Variants in LHFPL3 observed in about 807,000 individuals in gnomAD.
LHFPL3 encodes LHFPL tetraspan subfamily member 3.
A neutral mutation model predicts 19.3 loss-of-function variants in LHFPL3; 5 were observed. The ratio of observed to expected loss-of-function variants is 0.26; its 90% CI spans 0.14 to 0.54. The LOEUF (loss-of-function observed/expected upper bound fraction) is 0.54. Among genes scored for constraint, LHFPL3 ranks in the 20% least tolerant of loss-of-function variants. LHFPL3 has a pLI of 0.94. For synonymous variants in LHFPL3, 133 were observed against 126.2 expected, an observed-to-expected ratio of 1.05 and a Z score of -0.36; for missense variants, 249 against 307.4, an observed-to-expected ratio of 0.81 and a Z score of 1.42.
chr7:104,343,587 AT>A (rs34344276), intron 1 of LHFPL3, among the ~76,000 whole-genome samples: 24,603 of 146,278 alleles, frequency 0.17, 2,511 homozygotes, highest in Admixed American at 0.31. Flanking sequence ...AGAGAAGGTG[AT>A]TTAAATACCT....
chr7:104,560,548 G>T (rs1487875135), intron 1 of LHFPL3, among the ~76,000 whole-genome samples: 28 of 150,372 alleles, frequency 1.9e-4, no homozygotes, highest in Non-Finnish European at 3.6e-4. Flanking sequence ...ATTTTTTATT[G>T]CGTCTATTTG....
intron 1 of LHFPL3, among the ~76,000 whole-genome samples, chr7:104,485,408 G>T (rs1409253281): frequency 6.6e-6 from 1 of 151,984 alleles, no homozygotes; most frequent in Non-Finnish European, 1.5e-5. Context: ...AGTGCTCTCA[G>T]AGTCTAGTTA....
At chr7:104,559,759 A>C (rs1353601770) in intron 1 of LHFPL3, among the ~76,000 whole-genome samples, 2 of 151,762 alleles carry the variant, frequency 1.3e-5, no homozygotes, top group Non-Finnish European at 2.9e-5. Flanking sequence ...GTCTTGTGCC[A>C]GTTTTCAGAG....
chr7:104,402,365 G>C (rs1704198199), intron 1 of LHFPL3, among the ~76,000 whole-genome samples: 1 of 152,168 alleles, frequency 6.6e-6, no homozygotes, highest in African/African-American at 2.4e-5. Flanking sequence ...ATTGTGTTTG[G>C]CTTATTAGCC....
At chr7:104,791,386 T>G (rs912706531) in intron 2 of LHFPL3, among the ~76,000 whole-genome samples, 1 of 152,256 alleles carries the variant, frequency 6.6e-6, no homozygotes, top group East Asian at 1.9e-4. Context: ...AAAGGATTCC[T>G]GGCAGCCTTA....
intron 1 of LHFPL3, among the ~76,000 whole-genome samples, chr7:104,672,428 G>A (rs1408726031): frequency 1.3e-5 from 2 of 152,144 alleles, no homozygotes; most frequent in African/African-American, 2.4e-5. Context: ...TCCTCGCACA[G>A]TGAATGTATT....
At position 104,523,097 on chromosome 7, in the gene LHFPL3, T is replaced by TGCAG. The variant is rs1794108529; in HGVS notation, c.445+193873_445+193874insGCAG. On this transcript the variant is annotated intron_variant, in intron 1 of 2. Coordinates refer to ENST00000424859, the MANE Select transcript of LHFPL3 (RefSeq NM_199000.3). ...CACATATGCATGTTATATATACATA[T>TGCAG]ACAGACATATGTGTATTTTCTAGTT... Among the ~76,000 whole-genome samples, 2 of 99,810 alleles carry TGCAG rather than the reference T, an allele frequency of 2.0e-5. 1 individual carries two copies. The highest frequency in any genetic ancestry group is 0.011 in the Middle Eastern group (2 of 176). 65.5% of individuals were successfully genotyped at this position (99,810 alleles called of 152,430 possible).
Position 104,819,118 on chromosome 7 carries a change from A to T in LHFPL3, c.682+82207A>T, listed in dbSNP as rs933893509. Among the ~76,000 whole-genome samples the T allele has an allele frequency of 5.9e-5, 9 of 152,164 alleles. No homozygotes were observed. In the East Asian group the frequency reaches 1.7e-3, roughly 29 times the overall value. ...CTCAGCTTGATTTAATATAAGCTTA[A>T]TTTGATCCCTGTAAATGCAACTGAA... On this transcript the variant is annotated intron_variant, in intron 2 of 2. Coordinates refer to ENST00000424859, the MANE Select transcript of LHFPL3 (RefSeq NM_199000.3).
intron 2 of LHFPL3, among the ~76,000 whole-genome samples, chr7:104,873,719 C>T (rs1259151916): frequency 1.3e-5 from 2 of 152,220 alleles, no homozygotes; most frequent in African/African-American, 4.8e-5. Context: ...CACTCCCACA[C>T]ACATTTTCTT....
chr7:104,873,268 T>C lies in LHFPL3; in HGVS notation c.683-32919T>C, dbSNP rs115203344. Among the ~76,000 whole-genome samples the C allele has an allele frequency of 9.7e-3, 1,481 of 152,208 alleles. 18 individuals are homozygous for C. Among genetic ancestry groups the C allele is most frequent in the African/African-American group, 0.034 (1,419 of 41,520 alleles). ...TGTGTATATGAATATTTCTGTCAGG[T>C]TTATTTGGTCTTCAGATCATCTTCC... On this transcript the variant is annotated intron_variant, in intron 2 of 2. Transcript: ENST00000424859.
intron 1 of LHFPL3, among the ~76,000 whole-genome samples, chr7:104,671,897 A>G (rs1485127774): frequency 6.6e-6 from 1 of 152,180 alleles, no homozygotes; most frequent in Non-Finnish European, 1.5e-5. Flanking sequence ...TACTCTGCTA[A>G]TATCAATGTC....
At chr7:104,890,251 T>C (rs914464129) in intron 2 of LHFPL3, among the ~76,000 whole-genome samples, 2 of 152,202 alleles carry the variant, frequency 1.3e-5, no homozygotes, top group African/African-American at 4.8e-5. Flanking sequence ...TGCAGTGAAC[T>C]ATGATTGTGC....
At chr7:104,699,586 G>A (rs75166301) in intron 1 of LHFPL3, among the ~76,000 whole-genome samples, 40 of 152,344 alleles carry the variant, frequency 2.6e-4, no homozygotes, top group African/African-American at 9.1e-4. Flanking sequence ...TAGAGCTTCA[G>A]TTGGGGAAGA....
intron 1 of LHFPL3, among the ~76,000 whole-genome samples, chr7:104,733,799 G>A (rs1455654660): frequency 1.3e-5 from 2 of 152,172 alleles, no homozygotes; most frequent in Admixed American, 1.3e-4. Context: ...ATTAGTTGAT[G>A]CAGTTTCTTC....
chr7:104,377,824 A>G (rs1209345164), intron 1 of LHFPL3, among the ~76,000 whole-genome samples: 1 of 152,232 alleles, frequency 6.6e-6, no homozygotes, highest in Non-Finnish European at 1.5e-5. Flanking sequence ...AAATTTTCCC[A>G]TGTATTCTCA....
At chr7:104,878,497 AG>A (rs1195196622) in intron 2 of LHFPL3, among the ~76,000 whole-genome samples, 1 of 152,172 alleles carries the variant, frequency 6.6e-6, no homozygotes, top group Non-Finnish European at 1.5e-5. Context: ...CACCCATATA[AG>A]ATGGCAAAGT....
chr7:104,810,602 G>T (rs940932238), intron 2 of LHFPL3, among the ~76,000 whole-genome samples: 1 of 152,136 alleles, frequency 6.6e-6, no homozygotes, highest in Non-Finnish European at 1.5e-5. Flanking sequence ...GAGAGGAAAG[G>T]CATGTGTTTC....
chr7:104,808,161 C>T (rs995193371), intron 2 of LHFPL3, among the ~76,000 whole-genome samples: 1 of 152,196 alleles, frequency 6.6e-6, no homozygotes, highest in African/African-American at 2.4e-5. Flanking sequence ...GGCACAGAAT[C>T]GCAAACTATG....
intron 1 of LHFPL3, among the ~76,000 whole-genome samples, chr7:104,403,006 T>C (rs1360354969): frequency 6.6e-6 from 1 of 152,076 alleles, no homozygotes; most frequent in Non-Finnish European, 1.5e-5. Context: ...AGTTGAACAA[T>C]TGGAACACGT....
Sources: gnomAD v4.1 joint callset for allele counts (sites outside exome capture counted in the v4.1 genomes callset) on GRCh38, gnomAD v4.1.1 for gene constraint, MANE v1.5 for transcripts, NCBI Gene and HGNC (gene_info 2026-07-23, HGNC 2026-07-21) for gene names.